The following TMEM170B variants were observed in gnomAD, a reference collection of about 807,000 sequenced individuals.
The protein encoded by TMEM170B is transmembrane protein 170B.
TMEM170B carries 6 observed loss-of-function variants against 13.0 expected under a neutral mutation model. That is an observed-to-expected ratio of 0.46 (90% CI 0.25 to 0.91). The LOEUF is 0.91. Ranked by LOEUF, TMEM170B falls within the 40% of genes least tolerant of loss-of-function variation. The probability of loss-of-function intolerance (pLI) is 0.17; values close to 1 mark genes in which losing one functional copy is unlikely to be tolerated. For synonymous variants in TMEM170B, 61 were observed against 64.9 expected (o/e 0.94, Z 0.29); for missense variants, 138 against 165.2 (o/e 0.84, Z 0.90).
At chr6:11,569,249 T>C (rs1258256709) in intron 2 of TMEM170B, among the ~76,000 whole-genome samples, 1 of 152,158 alleles carries the variant, frequency 6.6e-6, no homozygotes, top group East Asian at 1.9e-4. Flanking sequence ...CAGTCTTTTA[T>C]CAGTTACCTT....
chr6:11,566,944 T>TA (rs1469357623), intron 2 of TMEM170B, among the ~76,000 whole-genome samples: 2 of 152,256 alleles, frequency 1.3e-5, no homozygotes, highest in African/African-American at 2.4e-5. Context: ...TGAGCCCACT[T>TA]ACGCATTTCC....
At chr6:11,572,191 A>C (rs1759814077) in intron 2 of TMEM170B, among the ~76,000 whole-genome samples, 1 of 152,174 alleles carries the variant, frequency 6.6e-6, no homozygotes. Context: ...TCTTGACTGC[A>C]TGTGTGTGCT....
intron 1 of TMEM170B, among the ~76,000 whole-genome samples, chr6:11,544,494 TG>T (rs979409507): frequency 3.5e-4 from 53 of 152,182 alleles, no homozygotes; most frequent in African/African-American, 1.2e-3. Flanking sequence ...TAAAATATAC[TG>T]GAAAATGTAA....
At chr6:11,568,447 T>G (rs1173115860) in intron 2 of TMEM170B, among the ~76,000 whole-genome samples, 2 of 152,102 alleles carry the variant, frequency 1.3e-5, no homozygotes, top group Admixed American at 1.3e-4. Flanking sequence ...ATATATGTAT[T>G]TATTTGCATA....
intron 1 of TMEM170B, among the ~76,000 whole-genome samples, chr6:11,549,519 C>A (rs1759494830): frequency 6.6e-6 from 1 of 152,008 alleles, no homozygotes; most frequent in African/African-American, 2.4e-5. Flanking sequence ...AAAAGTTAGC[C>A]AGGCGTAGTG....
At chr6:11,567,718 A>G (rs891632607) in intron 2 of TMEM170B, among the ~76,000 whole-genome samples, 11 of 152,180 alleles carry the variant, frequency 7.2e-5, no homozygotes, top group African/African-American at 2.2e-4. Flanking sequence ...ATGCTTTGTC[A>G]TAGACGGGGT....
intron 1 of TMEM170B, among the ~76,000 whole-genome samples, chr6:11,551,158 G>T (rs1490633677): frequency 6.6e-6 from 1 of 152,186 alleles, no homozygotes; most frequent in African/African-American, 2.4e-5. Context: ...CTCTTGGCAG[G>T]TGGTGGGAGG....
At position 11,575,395 on chromosome 6, in the gene TMEM170B, A is replaced by G; in HGVS notation, c.269-36A>G. 1 of 1,612,278 alleles carries G rather than the reference A, an allele frequency of 6.2e-7. No homozygotes were observed. Reference sequence around the variant, plus strand: ...CATGCAGTGTGTTATAAAACGAGTGACTGTATCCCTTCATTTTTCTCCCGT... The same window carrying G: ...CATGCAGTGTGTTATAAAACGAGTGGCTGTATCCCTTCATTTTTCTCCCGT... On this transcript the variant is annotated intron_variant, in intron 2 of 2. Coordinates refer to ENST00000379426, the MANE Select transcript of TMEM170B (RefSeq NM_001100829.3). This position sits in a 1 kb window ranked among gnomAD's most constrained non-coding sequence, Gnocchi z 4.1.
In TMEM170B at chr6:11,578,744, AAGT is replaced by A. The variant is rs777015872; in HGVS notation, c.*3185_*3187del. 4 of 152,212 alleles carry A rather than the reference AAGT, an allele frequency of 2.6e-5. No individual in the cohort carries two copies. Among genetic ancestry groups the A allele is most frequent in the Non-Finnish European group, 5.9e-5 (4 of 68,030 alleles). The allele number at this position is 152,212 out of a possible 1,614,324, so 9.4% of individuals were successfully genotyped here. Reference sequence around the variant, plus strand: ...GCAGCATACATTTCACTGCTCAAAAAAGTATAAGGGTTTTGTTTGTACTTTAAA... The same window carrying A: ...GCAGCATACATTTCACTGCTCAAAAAATAAGGGTTTTGTTTGTACTTTAAA... On this transcript the variant is annotated 3_prime_UTR_variant, in exon 3 of 3. Coordinates refer to ENST00000379426, the MANE Select transcript of TMEM170B (RefSeq NM_001100829.3).
rs533515937 is a variant in TMEM170B at position 11,562,086 on chromosome 6, A to G, written c.98-3580A>G. 8.5e-5 allele frequency among the ~76,000 whole-genome samples: 13 copies of G among 152,186 alleles called. No homozygotes were observed. The South Asian group carries it at 2.5e-3, about 29-fold the overall frequency. On this transcript the variant is annotated intron_variant, in intron 1 of 2. Transcript: ENST00000379426. ...TACAAGGCGGATTGTTGACTTTTGTATTGAAGAGCCTGTGGTTGTTGCAGA... is the reference window on the plus strand; with the variant it reads ...TACAAGGCGGATTGTTGACTTTTGTGTTGAAGAGCCTGTGGTTGTTGCAGA...
intron 1 of TMEM170B, among the ~76,000 whole-genome samples, chr6:11,552,156 T>C (rs1233127088): frequency 6.6e-6 from 1 of 152,174 alleles, no homozygotes; most frequent in Non-Finnish European, 1.5e-5. Context: ...AGCTTAGTGG[T>C]TGGGAACACC....
chr6:11,571,640 T>C (rs11965815), intron 2 of TMEM170B, among the ~76,000 whole-genome samples: 12,819 of 152,200 alleles, frequency 0.084, 583 homozygotes, highest in Middle Eastern at 0.13. Context: ...TGCCTGCATA[T>C]ATTAGCCTCA....
In TMEM170B at chr6:11,578,461, C is replaced by T. The variant is rs1045388950; in HGVS notation, c.*2900C>T. On this transcript the variant is annotated 3_prime_UTR_variant, in exon 3 of 3. Coordinates refer to ENST00000379426, the MANE Select transcript of TMEM170B (RefSeq NM_001100829.3). Reference sequence around the variant, plus strand: ...CCCAAACTAATTACAGTTGAACATACTGATTAAAAATGCCATAGATCACAG... The same window carrying T: ...CCCAAACTAATTACAGTTGAACATATTGATTAAAAATGCCATAGATCACAG... 2.0e-5 allele frequency: 3 copies of T among 152,088 alleles called. No individual in the cohort carries two copies. Among genetic ancestry groups the T allele is most frequent in the Non-Finnish European group, 2.9e-5 (2 of 67,994 alleles). The allele number at this position is 152,088 out of a possible 1,614,324, so 9.4% of individuals were successfully genotyped here. A position where few individuals can be genotyped will look rare whatever the true frequency, so the allele number is the denominator to read the frequency against.
chr6:11,563,271 G>A (rs1335770880), intron 1 of TMEM170B, among the ~76,000 whole-genome samples: 1 of 152,120 alleles, frequency 6.6e-6, no homozygotes, highest in Non-Finnish European at 1.5e-5. Context: ...GGGAGGTGGA[G>A]GTTGCAGTGA....
chr6:11,569,386 G>A (rs1159648747), intron 2 of TMEM170B, among the ~76,000 whole-genome samples: 1 of 152,106 alleles, frequency 6.6e-6, no homozygotes, highest in South Asian at 2.1e-4. Context: ...ATTGCCAAAA[G>A]ATATTCTGAT....
chr6:11,543,531 A>G (rs1184942704), intron 1 of TMEM170B, among the ~76,000 whole-genome samples: 1 of 152,238 alleles, frequency 6.6e-6, no homozygotes, highest in African/African-American at 2.4e-5. Context: ...AGATTCAGAT[A>G]CTGAAGCAAA....
In TMEM170B at chr6:11,578,326, G is replaced by A. The variant is rs1759906483; in HGVS notation, c.*2765G>A. 1 of 152,096 alleles carries A rather than the reference G, an allele frequency of 6.6e-6. No individual in the cohort carries two copies. Among genetic ancestry groups the A allele is most frequent in the African/African-American group, 2.4e-5 (1 of 41,418 alleles). The allele number at this position is 152,096 out of a possible 1,614,324, so 9.4% of individuals were successfully genotyped here. ...GCAGTACATTTTCTTCGTGACAAAT[G>A]CAAGAAGGGAGGGAGGATCCTCTAT... is the stretch of plus-strand genomic sequence containing the variant. On this transcript the variant is annotated 3_prime_UTR_variant, in exon 3 of 3. Transcript: ENST00000379426.
chr6:11,551,017 C>A lies in TMEM170B; in HGVS notation c.97+12643C>A, dbSNP rs557917950. 2.9e-4 allele frequency among the ~76,000 whole-genome samples: 44 copies of A among 152,322 alleles called. No individual in the cohort carries two copies. In the South Asian group the frequency reaches 8.3e-3, roughly 29 times the overall value. On this transcript the variant is annotated intron_variant, in intron 1 of 2. Coordinates refer to ENST00000379426, the MANE Select transcript of TMEM170B (RefSeq NM_001100829.3). ...AGACACATTTATTTTCTCATACAGT[C>A]TCTGATGGTCAGGAATGCTGGTTCT...
chr6:11,543,118 T>C (rs1439344921), intron 1 of TMEM170B, among the ~76,000 whole-genome samples: 1 of 152,234 alleles, frequency 6.6e-6, no homozygotes, highest in Non-Finnish European at 1.5e-5. Flanking sequence ...CATATTTTTA[T>C]TATGTTTTTC....
Sources: allele counts gnomAD v4.1 joint callset (sites outside exome capture counted in the v4.1 genomes callset), GRCh38; gene constraint gnomAD v4.1.1; non-coding constraint Gnocchi (gnomAD v3.1); transcripts MANE v1.5; gene names NCBI Gene and HGNC (gene_info 2026-07-23, HGNC 2026-07-21).